HS6ST3: variants seen among roughly 807,000 people sequenced by gnomAD.
HS6ST3 encodes the protein heparan-sulfate 6-O-sulfotransferase 3.
Under a neutral mutation model 36.7 loss-of-function variants are expected in HS6ST3, and 12 were observed. The observed-to-expected ratio is 0.33, with a 90% CI of 0.21 to 0.53. The LOEUF (loss-of-function observed/expected upper bound fraction) is 0.53. HS6ST3 is among the 20% of genes least tolerant of loss of function. The pLI, the probability that HS6ST3 is intolerant of heterozygous loss-of-function variation, is 0.95. For synonymous variants in HS6ST3, 240 were observed against 257.5 expected (o/e 0.93, Z 0.65); for missense variants, 584 against 640.9 (o/e 0.91, Z 0.96).
At chr13:96,576,056 G>A (rs897501979) in intron 1 of HS6ST3, among the ~76,000 whole-genome samples, 1 of 152,188 alleles carries the variant, frequency 6.6e-6, no homozygotes, top group African/African-American at 2.4e-5. Flanking sequence ...AGTCAGAAGA[G>A]CTTTTGCATT....
chr13:96,700,376 C>T (rs916704132), intron 1 of HS6ST3, among the ~76,000 whole-genome samples: 8 of 152,122 alleles, frequency 5.3e-5, no homozygotes, highest in Non-Finnish European at 7.3e-5. Flanking sequence ...AATTATCTCC[C>T]ACCAGGTCCC....
chr13:96,750,608 C>A (rs1412784748), intron 1 of HS6ST3, among the ~76,000 whole-genome samples: 1 of 152,198 alleles, frequency 6.6e-6, no homozygotes, highest in Non-Finnish European at 1.5e-5. Flanking sequence ...AAAATAAAAT[C>A]TGTTTCAAAT....
chr13:96,723,452 G>A (rs1350145507), intron 1 of HS6ST3, among the ~76,000 whole-genome samples: 1 of 152,128 alleles, frequency 6.6e-6, no homozygotes, highest in Non-Finnish European at 1.5e-5. Flanking sequence ...CCTATGCCCA[G>A]TTTCTTGCAT....
At chr13:96,546,524 T>C (rs947365510) in intron 1 of HS6ST3, among the ~76,000 whole-genome samples, 1 of 152,260 alleles carries the variant, frequency 6.6e-6, no homozygotes, top group East Asian at 1.9e-4. Context: ...CCATGGCCTG[T>C]TTTTATGTTC....
At chr13:96,495,524 G>A (rs1036295351) in intron 1 of HS6ST3, among the ~76,000 whole-genome samples, 7 of 152,200 alleles carry the variant, frequency 4.6e-5, no homozygotes, top group African/African-American at 1.7e-4. Context: ...GAGTAAGTGG[G>A]GAGATTGTTC....
intron 1 of HS6ST3, among the ~76,000 whole-genome samples, chr13:96,211,321 C>T (rs2054398073): frequency 6.6e-6 from 1 of 152,198 alleles, no homozygotes; most frequent in African/African-American, 2.4e-5. Flanking sequence ...GACCACTGTT[C>T]ATCTGGAGCC....
chr13:96,166,897 C>A (rs866920586), intron 1 of HS6ST3, among the ~76,000 whole-genome samples: 1 of 152,106 alleles, frequency 6.6e-6, no homozygotes, highest in Non-Finnish European at 1.5e-5. Flanking sequence ...TGAGTTCTCA[C>A]TAAATCTGAT....
At chr13:96,233,547 A>G (rs1182569693) in intron 1 of HS6ST3, among the ~76,000 whole-genome samples, 1 of 152,240 alleles carries the variant, frequency 6.6e-6, no homozygotes, top group East Asian at 1.9e-4. Context: ...GGAAAGAGAA[A>G]CAGTGATGAG....
intron 1 of HS6ST3, among the ~76,000 whole-genome samples, chr13:96,460,593 A>C (rs1177490082): frequency 6.6e-6 from 1 of 152,234 alleles, no homozygotes; most frequent in Non-Finnish European, 1.5e-5. Flanking sequence ...GACTAGATGC[A>C]GTCAGTTATG....
intron 1 of HS6ST3, among the ~76,000 whole-genome samples, chr13:96,356,960 C>T (rs2055213207): frequency 6.6e-6 from 1 of 152,112 alleles, no homozygotes; most frequent in African/African-American, 2.4e-5. Context: ...CTTGCTTCAG[C>T]ATCTCCAACA....
chr13:96,173,620 G>T (rs1424962390), intron 1 of HS6ST3, among the ~76,000 whole-genome samples: 1 of 119,420 alleles, frequency 8.4e-6, no homozygotes, highest in Non-Finnish European at 1.6e-5. Context: ...GGACAAACAA[G>T]ACTTACCTGC....
At chr13:96,696,627 G>A (rs1455974830) in intron 1 of HS6ST3, among the ~76,000 whole-genome samples, 1 of 152,172 alleles carries the variant, frequency 6.6e-6, no homozygotes, top group East Asian at 1.9e-4. Context: ...GTGTGTTTCC[G>A]GGAGGTCTGT....
chr13:96,349,096 A>C (rs557999524), intron 1 of HS6ST3, among the ~76,000 whole-genome samples: 29 of 152,332 alleles, frequency 1.9e-4, no homozygotes, highest in African/African-American at 6.0e-4. Context: ...AACCTCAATG[A>C]AAGATTTGAT....
intron 1 of HS6ST3, among the ~76,000 whole-genome samples, chr13:96,508,489 C>T (rs1297818769): frequency 6.6e-6 from 1 of 151,978 alleles, no homozygotes; most frequent in African/African-American, 2.4e-5. Flanking sequence ...TAGTGTACAT[C>T]GTACCTAATG....
intron 1 of HS6ST3, among the ~76,000 whole-genome samples, chr13:96,474,123 C>T (rs1450160925): frequency 1.3e-5 from 2 of 150,338 alleles, no homozygotes; most frequent in Non-Finnish European, 1.5e-5. Context: ...TTGATTTTTG[C>T]TGGTCAATGA....
intron 1 of HS6ST3, among the ~76,000 whole-genome samples, chr13:96,737,631 C>CAAAAAA (rs5805990): frequency 4.6e-5 from 3 of 65,754 alleles, no homozygotes; most frequent in Non-Finnish European, 5.7e-5. Context: ...GACTCCGTCT[C>CAAAAAA]AAAAAAAAAA....
chr13:96,438,549 A>G (rs1480445361), intron 1 of HS6ST3, among the ~76,000 whole-genome samples: 2 of 152,132 alleles, frequency 1.3e-5, no homozygotes. Flanking sequence ...CAGAATAGCT[A>G]CTTGGGGCAT....
intron 1 of HS6ST3, among the ~76,000 whole-genome samples, chr13:96,600,363 T>C (rs796287140): frequency 4.7e-5 from 6 of 127,842 alleles, no homozygotes; most frequent in African/African-American, 1.4e-4. Flanking sequence ...CACACACATA[T>C]ATATATATAT....
rs530828532 is a variant in HS6ST3, at chr13:96,216,174, T to C, written c.707+124605T>C. Among the ~76,000 whole-genome samples the C allele has an allele frequency of 1.6e-4, 24 of 152,356 alleles. No homozygotes were observed. In the South Asian group the frequency reaches 4.8e-3, roughly 30 times the overall value. ...ACAACATAAAATAATACCTACCACA[T>C]AGTACGTAAATGTTAACCATTGTTG... On this transcript the variant is annotated intron_variant, in intron 1 of 1. Transcript: ENST00000376705.
Sources: allele counts gnomAD v4.1 joint callset (sites outside exome capture counted in the v4.1 genomes callset), GRCh38; gene constraint gnomAD v4.1.1; transcripts MANE v1.5; gene names NCBI Gene and HGNC (gene_info 2026-07-23, HGNC 2026-07-21).